Variants in KCNT1 observed in about 807,000 individuals in gnomAD.
KCNT1 encodes the protein potassium sodium-activated channel subfamily T member 1.
Under a neutral mutation model 147.8 loss-of-function variants are expected in KCNT1, and 78 were observed. The observed-to-expected ratio is 0.53, with a 90% CI of 0.44 to 0.64. KCNT1 has a LOEUF of 0.64. Among genes scored for constraint, KCNT1 ranks in the 30% least tolerant of loss-of-function variants. The probability of loss-of-function intolerance (pLI) is 0.00; values close to 1 mark genes in which losing one functional copy is unlikely to be tolerated. For missense variants in KCNT1, 1,419 were observed against 1,750.3 expected, an observed-to-expected ratio of 0.81 and a Z score of 3.38; for synonymous variants, 867 against 748.8, an observed-to-expected ratio of 1.16 and a Z score of -2.58.
rs1180185940 is a variant in KCNT1 at position 135,786,369 on chromosome 9, G to A, written c.3350G>A (p.Ser1117Asn). The change falls in exon 29 of 31, where the codon AGC (serine) becomes AAC (asparagine). Residue 1117 changes from serine to asparagine, a missense_variant. This residue lies in a region of KCNT1 where 306 missense variants were observed against 294.2 expected (regional missense o/e 1.04). Transcript: ENST00000371757. ...AGCCTGCAGTGGGCCCGGAGGCTGA[G>A]CCGCAAGGCGCCCAAGCAGGCAGGC... ...RKSLQWARRL[S>N]RKAPKQAGRA... is the part of the protein sequence containing the mutation. 6.3e-7 allele frequency: 1 copy of A among 1,578,020 alleles called. No homozygotes were observed. The highest frequency in any genetic ancestry group is 2.3e-5 in the East Asian group (1 of 43,214).
chr9:135,731,362 ATT>A (rs1383552544), intron 2 of KCNT1, among the ~76,000 whole-genome samples: 1 of 152,064 alleles, frequency 6.6e-6, no homozygotes, highest in East Asian at 1.9e-4. Context: ...TAATTTTATC[ATT>A]GTTTTTACTC....
intron 2 of KCNT1, among the ~76,000 whole-genome samples, chr9:135,727,294 TGTCC>T (rs376514664): frequency 1.1e-5 from 1 of 88,722 alleles, no homozygotes; most frequent in Non-Finnish European, 2.3e-5. Context: ...TCTCTCTCCC[TGTCC>T]CTCTCTTTCC....
chr9:135,750,310 C>A, intron 3 of KCNT1, 133 bp downstream of exon 3: 2 of 317,432 alleles, frequency 6.3e-6, no homozygotes, highest in South Asian at 5.2e-5. Flanking sequence ...CTGAGTGCTG[C>A]GGGGGCATTT....
At chr9:135,712,646 G>C (rs1233727448) in intron 1 of KCNT1, among the ~76,000 whole-genome samples, 1 of 152,180 alleles carries the variant, frequency 6.6e-6, no homozygotes, top group Non-Finnish European at 1.5e-5. Flanking sequence ...CAGCTGTTTT[G>C]CTGCTGTCCT....
rs988871689 is a variant in KCNT1 at position 135,765,657 on chromosome 9, A to G, written c.1234A>G (p.Met412Val). The change falls in exon 13 of 31, where the codon ATG becomes GTG. Residue 412 changes from methionine (M) to valine (V), a missense_variant. By Grantham distance (21) the Met-to-Val change is conservative. This residue lies in a region of KCNT1 where 401 missense variants were observed against 610.6 expected (regional missense o/e 0.66). Transcript: ENST00000371757. ...YYVVILCPTE[M>V]DVQVRRVLQI... ...CGTGGTCATCCTGTGCCCCACGGAG[A>G]TGGATGTCCAGGTGCGCAGAGTCCT... 2.5e-6 allele frequency: 4 copies of G among 1,611,102 alleles called. No homozygotes were observed. Among genetic ancestry groups the G allele is most frequent in the Non-Finnish European group, 2.5e-6 (3 of 1,179,128 alleles).
At chr9:135,722,485 G>A (rs1307317963) in intron 2 of KCNT1, among the ~76,000 whole-genome samples, 1 of 152,182 alleles carries the variant, frequency 6.6e-6, no homozygotes, top group Non-Finnish European at 1.5e-5. Context: ...TTCCCAATGC[G>A]CTCCCTCCAC....
intron 1 of KCNT1, among the ~76,000 whole-genome samples, chr9:135,710,582 TG>T (rs1835444276): frequency 6.6e-6 from 1 of 152,074 alleles, no homozygotes; most frequent in African/African-American, 2.4e-5. Flanking sequence ...GATTCCAACG[TG>T]GGCTTCAGCT....
rs1564367281 is a variant in KCNT1, at chr9:135,768,662, C to T, written c.1390C>T (p.Arg464Cys). The stretch of plus-strand genomic sequence containing the variant: ...CCTCAGCAGCAGGAACGAGGTGGAC[C>T]GCACGGCTGCAGTGAGTGAGGCTGA... ...FILSSRNEVD[R>C]TAADHQTILR... Residue 464 changes from arginine to cysteine, a missense_variant, in exon 14 of 31, where the codon CGC becomes TGC. By Grantham distance (180) the Arg-to-Cys change is radical. This residue lies in a region of KCNT1 where 401 missense variants were observed against 610.6 expected (regional missense o/e 0.66). Transcript: ENST00000371757. 2.6e-6 allele frequency: 4 copies of T among 1,550,342 alleles called. No individual in the cohort carries two copies. Among genetic ancestry groups the T allele is most frequent in the African/African-American group, 1.4e-5 (1 of 73,106 alleles).
At chr9:135,771,170 G>A in intron 18 of KCNT1, 75 bp downstream of exon 18, 1 of 1,360,520 alleles carries the variant, frequency 7.4e-7, no homozygotes, top group Non-Finnish European at 1.0e-6. Flanking sequence ...ACCGGCAGGT[G>A]ACCAGGTGGG....
At chr9:135,787,162 A>G (rs1342628834) in intron 29 of KCNT1, among the ~76,000 whole-genome samples, 1 of 151,990 alleles carries the variant, frequency 6.6e-6, no homozygotes, top group Non-Finnish European at 1.5e-5. Context: ...GCCTGTTGCC[A>G]CTCCCACGGC....
chr9:135,738,825 T>C (rs969515990), intron 2 of KCNT1, among the ~76,000 whole-genome samples: 3 of 152,118 alleles, frequency 2.0e-5, no homozygotes, highest in African/African-American at 7.2e-5. Flanking sequence ...GGTCTCCTCC[T>C]TCCTTCTCAC....
chr9:135,779,309 ACCT>A (rs767840144), intron 23 of KCNT1, 47 bp from the exon 24 acceptor site: 18 of 1,090,784 alleles, frequency 1.7e-5, no homozygotes, highest in Admixed American at 3.5e-5. Flanking sequence ...CCACCCTGAG[ACCT>A]CCTACAACCA....
At chr9:135,753,847 G>A (rs1831330146) in intron 4 of KCNT1, 90 bp from the exon 5 acceptor site, 2 of 1,406,432 alleles carry the variant, frequency 1.4e-6, no homozygotes, top group Non-Finnish European at 2.0e-6. Flanking sequence ...AGGCCCCCAT[G>A]AACCCGAGCC....
intron 2 of KCNT1, among the ~76,000 whole-genome samples, chr9:135,748,963 G>A (rs142936391): frequency 6.7e-4 from 102 of 152,312 alleles, no homozygotes; most frequent in African/African-American, 2.3e-3. Context: ...GGGAGCAGCC[G>A]AGGGTCCCAT....
At chr9:135,750,627 C>G (rs949859928) in intron 3 of KCNT1, 7 of 511,090 alleles carry the variant, frequency 1.4e-5, no homozygotes, top group African/African-American at 7.7e-5. Flanking sequence ...GGGGTTTCCC[C>G]AGGGGCTCCA....
intron 2 of KCNT1, among the ~76,000 whole-genome samples, chr9:135,729,352 C>T (rs981389722): frequency 6.6e-6 from 1 of 152,226 alleles, no homozygotes; most frequent in Non-Finnish European, 1.5e-5. Flanking sequence ...CAACCCCCTG[C>T]CAGCGGCCAG....
chr9:135,771,539 G>A (rs2131514403), intron 18 of KCNT1, among the ~76,000 whole-genome samples: 1 of 152,362 alleles, frequency 6.6e-6, no homozygotes, highest in East Asian at 1.9e-4. Context: ...GCTCCTGGTG[G>A]TCCCATCAGC....
intron 2 of KCNT1, among the ~76,000 whole-genome samples, chr9:135,719,900 A>G (rs1462808102): frequency 7.9e-5 from 12 of 152,202 alleles, no homozygotes; most frequent in Non-Finnish European, 5.9e-5. Context: ...CGGCCTGACC[A>G]GGCTGTTTCA....
intron 2 of KCNT1, among the ~76,000 whole-genome samples, chr9:135,718,134 A>G (rs1835790263): frequency 6.6e-6 from 1 of 152,326 alleles, no homozygotes; most frequent in East Asian, 1.9e-4. Context: ...TCTATCTGCC[A>G]TTAGAAGCCA....
Sources: gnomAD v4.1 joint callset for allele counts (sites outside exome capture counted in the v4.1 genomes callset) on GRCh38, gnomAD v4.1.1 for gene constraint, gnomAD v4.1.1 regional missense constraint, MANE v1.5 for transcripts, NCBI Gene and HGNC (gene_info 2026-07-23, HGNC 2026-07-21) for gene names.